The following SCRN1 variants were observed in gnomAD, a reference collection of about 807,000 sequenced individuals.
The protein encoded by SCRN1 is secernin-1.
SCRN1 carries 19 observed loss-of-function variants against 43.3 expected under a neutral mutation model. The observed-to-expected ratio is 0.44, with a 90% CI of 0.31 to 0.64. The LOEUF (loss-of-function observed/expected upper bound fraction) is 0.64, where lower values mean the gene tolerates loss of function less well. Among genes scored for constraint, SCRN1 ranks in the 30% least tolerant of loss-of-function variants. The probability of loss-of-function intolerance (pLI) is 0.09; values close to 1 mark genes in which losing one functional copy is unlikely to be tolerated. For missense variants in SCRN1, 447 were observed against 524.1 expected (o/e 0.85, Z 1.44); for synonymous variants, 183 against 188.9 (o/e 0.97, Z 0.26).
At chr7:29,973,848 T>C (rs759539154) in intron 1 of SCRN1, among the ~76,000 whole-genome samples, 1 of 152,212 alleles carries the variant, frequency 6.6e-6, no homozygotes, top group Non-Finnish European at 1.5e-5. Flanking sequence ...GTGGTATTCA[T>C]ACAGGCGAAA....
chr7:29,947,238 A>G (rs1308562088), intron 3 of SCRN1: 1 of 1,550,674 alleles, frequency 6.4e-7, no homozygotes. Context: ...CTAGTTTTAT[A>G]GGAAAATCTT....
chr7:29,966,479 C>T (rs1051585846), intron 2 of SCRN1, among the ~76,000 whole-genome samples: 3 of 152,196 alleles, frequency 2.0e-5, no homozygotes, highest in African/African-American at 4.8e-5. Flanking sequence ...AAGATAGAAA[C>T]GTTCAGGGAG....
intron 1 of SCRN1, among the ~76,000 whole-genome samples, chr7:29,986,723 T>C (rs1243135856): frequency 7.3e-6 from 1 of 137,724 alleles, no homozygotes; most frequent in Non-Finnish European, 1.6e-5. Flanking sequence ...TTTAATTTTT[T>C]TTTTTTTTTT....
At chr7:29,957,477 T>A (rs113664503) in intron 2 of SCRN1, among the ~76,000 whole-genome samples, 5 of 152,372 alleles carry the variant, frequency 3.3e-5, no homozygotes, top group African/African-American at 1.2e-4. Flanking sequence ...ACAGAACTGA[T>A]GGACTTATTA....
chr7:29,971,310 A>G (rs990701990), intron 1 of SCRN1, among the ~76,000 whole-genome samples: 1 of 152,186 alleles, frequency 6.6e-6, no homozygotes, highest in African/African-American at 2.4e-5. Flanking sequence ...CATGTTTTGC[A>G]AACTGTGGAG....
intron 3 of SCRN1, among the ~76,000 whole-genome samples, chr7:29,954,361 T>C (rs987688443): frequency 6.6e-6 from 1 of 152,088 alleles, no homozygotes; most frequent in African/African-American, 2.4e-5. Context: ...TCAAGTACTA[T>C]AAAATCCACC....
At chr7:29,980,028 T>A (rs1380922148) in intron 1 of SCRN1, among the ~76,000 whole-genome samples, 2 of 152,198 alleles carry the variant, frequency 1.3e-5, no homozygotes, top group East Asian at 3.8e-4. Context: ...TATGGCTTTT[T>A]AAAAAAGTCA....
At chr7:29,987,687 C>T (rs961361960) in intron 1 of SCRN1, among the ~76,000 whole-genome samples, 3 of 152,206 alleles carry the variant, frequency 2.0e-5, no homozygotes, top group South Asian at 2.1e-4. Context: ...TACAGTTTGG[C>T]TTCCCATTGC....
intron 5 of SCRN1, among the ~76,000 whole-genome samples, chr7:29,940,428 T>G (rs1246162215): frequency 6.6e-6 from 1 of 151,980 alleles, no homozygotes; most frequent in Non-Finnish European, 1.5e-5. Context: ...GGCAACACAA[T>G]GACATCAGAG....
intron 6 of SCRN1, among the ~76,000 whole-genome samples, chr7:29,929,356 C>T (rs939296958): frequency 1.3e-5 from 2 of 152,246 alleles, no homozygotes; most frequent in African/African-American, 4.8e-5. Context: ...ACCACGCCCT[C>T]CTGCGGAGCC....
At chr7:29,966,655 C>G (rs1326593502) in intron 2 of SCRN1, among the ~76,000 whole-genome samples, 1 of 152,168 alleles carries the variant, frequency 6.6e-6, no homozygotes, top group Non-Finnish European at 1.5e-5. Context: ...GAACCTAGCA[C>G]TCTTCTTCAC....
At chr7:29,983,165 T>G (rs914323360) in intron 1 of SCRN1, among the ~76,000 whole-genome samples, 1 of 150,786 alleles carries the variant, frequency 6.6e-6, no homozygotes, top group Admixed American at 6.6e-5. Context: ...TGGTGTGAGC[T>G]TTTTTTTTAA....
At chr7:29,968,273 G>A (rs1410480647) in intron 2 of SCRN1, among the ~76,000 whole-genome samples, 1 of 152,156 alleles carries the variant, frequency 6.6e-6, no homozygotes, top group Non-Finnish European at 1.5e-5. Context: ...TACATCCATA[G>A]AATGAAACAC....
chr7:29,960,622 T>TA (rs1788275890), intron 2 of SCRN1, among the ~76,000 whole-genome samples: 1 of 152,290 alleles, frequency 6.6e-6, no homozygotes, highest in East Asian at 1.9e-4. Flanking sequence ...AAAAGTAGTC[T>TA]AATGTTGGAT....
At chr7:29,977,938 T>G (rs1414422471) in intron 1 of SCRN1, among the ~76,000 whole-genome samples, 1 of 152,248 alleles carries the variant, frequency 6.6e-6, no homozygotes, top group African/African-American at 2.4e-5. Flanking sequence ...GGATACGTGA[T>G]GAAAGCGGTC....
intron 2 of SCRN1, among the ~76,000 whole-genome samples, chr7:29,956,944 A>C (rs1788157150): frequency 2.6e-5 from 4 of 152,168 alleles, no homozygotes; most frequent in Admixed American, 2.6e-4. Flanking sequence ...ACATCTTAAC[A>C]TTGCACTCTA....
At chr7:29,967,645 A>G (rs2128097314) in intron 2 of SCRN1, among the ~76,000 whole-genome samples, 1 of 152,330 alleles carries the variant, frequency 6.6e-6, no homozygotes, top group African/African-American at 2.4e-5. Flanking sequence ...CACTCAGGTC[A>G]GGTGCAGAGC....
intron 1 of SCRN1, among the ~76,000 whole-genome samples, chr7:29,986,426 A>C (rs1024431420): frequency 6.6e-6 from 1 of 152,000 alleles, no homozygotes; most frequent in Admixed American, 6.6e-5. Flanking sequence ...CTTCATATTA[A>C]ATTTTTGAAA....
At chr7:29,946,952 A>T (rs1282970869) in intron 3 of SCRN1, among the ~76,000 whole-genome samples, 1 of 152,226 alleles carries the variant, frequency 6.6e-6, no homozygotes, top group African/African-American at 2.4e-5. Flanking sequence ...CCAGAGGCCA[A>T]TGTTAAAGCC....
Sources: gnomAD v4.1 joint callset for allele counts (sites outside exome capture counted in the v4.1 genomes callset) on GRCh38, gnomAD v4.1.1 for gene constraint, MANE v1.5 for transcripts, NCBI Gene and HGNC (gene_info 2026-07-23, HGNC 2026-07-21) for gene names.